PELI2: variants seen among roughly 807,000 people sequenced by gnomAD.
PELI2 encodes pellino E3 ubiquitin protein ligase family member 2, also known as E3 ubiquitin-protein ligase pellino homolog 2.
PELI2 carries 23 observed loss-of-function variants against 42.3 expected under a neutral mutation model. The observed-to-expected ratio is 0.54, with a 90% CI of 0.39 to 0.77. The LOEUF (loss-of-function observed/expected upper bound fraction) is 0.77. PELI2 is among the 30% of genes least tolerant of loss of function. The pLI, the probability that PELI2 is intolerant of heterozygous loss-of-function variation, is 0.00. For missense variants in PELI2, 463 were observed against 553.2 expected, an observed-to-expected ratio of 0.84 and a Z score of 1.64; for synonymous variants, 245 against 212.2, an observed-to-expected ratio of 1.15 and a Z score of -1.34.
intron 2 of PELI2, among the ~76,000 whole-genome samples, chr14:56,185,103 G>A (rs1417328529): frequency 6.6e-6 from 1 of 151,938 alleles, no homozygotes; most frequent in Non-Finnish European, 1.5e-5. Flanking sequence ...CTCCTGACAT[G>A]AATAACTTTA....
chr14:56,214,589 G>A (rs1886831104), intron 2 of PELI2, among the ~76,000 whole-genome samples: 1 of 152,186 alleles, frequency 6.6e-6, no homozygotes, highest in African/African-American at 2.4e-5. Context: ...CCTGTGTCTT[G>A]GAGGGGACCC....
chr14:56,215,828 T>C lies in PELI2; in HGVS notation c.207+37364T>C, dbSNP rs568877511. On this transcript the variant is annotated intron_variant, in intron 2 of 5. Transcript: ENST00000267460. Reference sequence around the variant, plus strand: ...TGTGGAATTTAGGTACCTAATGCTGTGAGCTTTAGTCAGTAGCTTAAAACA... The same window carrying C: ...TGTGGAATTTAGGTACCTAATGCTGCGAGCTTTAGTCAGTAGCTTAAAACA... Among the ~76,000 whole-genome samples the C allele has an allele frequency of 5.3e-5, 8 of 152,350 alleles. No individual in the cohort carries two copies. In the East Asian group the frequency reaches 1.2e-3, roughly 22 times the overall value.
At chr14:56,168,691 T>C (rs1318536328) in intron 1 of PELI2, among the ~76,000 whole-genome samples, 6 of 152,116 alleles carry the variant, frequency 3.9e-5, no homozygotes, top group Admixed American at 3.3e-4. Flanking sequence ...GTACGTAAGG[T>C]GCAAGACAAA....
intron 1 of PELI2, among the ~76,000 whole-genome samples, chr14:56,157,758 G>A (rs939191700): frequency 6.6e-6 from 1 of 152,162 alleles, no homozygotes; most frequent in Non-Finnish European, 1.5e-5. Context: ...AAAGTTTAAA[G>A]TAAATATATA....
In PELI2 at chr14:56,219,914, T is replaced by G. The variant is rs1466408332; in HGVS notation, c.207+41450T>G. Among the ~76,000 whole-genome samples, 2 of 152,306 alleles carry G rather than the reference T, an allele frequency of 1.3e-5. No homozygotes were observed. The highest frequency in any genetic ancestry group is 3.4e-3 in the Middle Eastern group (1 of 294). On this transcript the variant is annotated intron_variant, in intron 2 of 5. Coordinates refer to ENST00000267460, the MANE Select transcript of PELI2 (RefSeq NM_021255.3). This position sits in a 1 kb window ranked among gnomAD's most constrained non-coding sequence, Gnocchi z 4.1. Reference sequence around the variant, plus strand: ...GCAGCCTCCTTAAAACAGCTCAGGATTGAAAAAACTCTTGTGCAGAACAGT... The same window carrying G: ...GCAGCCTCCTTAAAACAGCTCAGGAGTGAAAAAACTCTTGTGCAGAACAGT...
chr14:56,205,880 T>C (rs1216656690), intron 2 of PELI2, among the ~76,000 whole-genome samples: 2 of 152,120 alleles, frequency 1.3e-5, no homozygotes, highest in East Asian at 3.9e-4. Flanking sequence ...TAAATACAGC[T>C]GAAATAAAAG....
chr14:56,131,766 G>A (rs1412845298), intron 1 of PELI2, among the ~76,000 whole-genome samples: 3 of 152,232 alleles, frequency 2.0e-5, no homozygotes, highest in South Asian at 2.1e-4. Context: ...ACCGCCTTTA[G>A]TCAAAGCTCA....
chr14:56,159,057 G>T (rs912222204), intron 1 of PELI2, among the ~76,000 whole-genome samples: 2 of 152,170 alleles, frequency 1.3e-5, no homozygotes, highest in South Asian at 4.1e-4. Flanking sequence ...GGTATTTTAT[G>T]TGTATTTAGC....
At chr14:56,237,790 C>A (rs1027143063) in intron 2 of PELI2, among the ~76,000 whole-genome samples, 4 of 151,524 alleles carry the variant, frequency 2.6e-5, no homozygotes, top group Admixed American at 2.0e-4. Flanking sequence ...CCAGATACTT[C>A]TTTTCATGTT....
intron 1 of PELI2, among the ~76,000 whole-genome samples, chr14:56,147,609 T>C (rs1032590655): frequency 6.6e-6 from 1 of 152,244 alleles, no homozygotes; most frequent in Admixed American, 6.5e-5. Flanking sequence ...TTTTATGAGC[T>C]CTGGTTTTAT....
At chr14:56,268,258 C>T (rs1594699921) in intron 2 of PELI2, among the ~76,000 whole-genome samples, 1 of 152,114 alleles carries the variant, frequency 6.6e-6, no homozygotes, top group African/African-American at 2.4e-5. Flanking sequence ...TTTATTTTTA[C>T]TTATGATTCA....
chr14:56,158,925 A>G (rs896099709), intron 1 of PELI2, among the ~76,000 whole-genome samples: 6 of 152,220 alleles, frequency 3.9e-5, no homozygotes, highest in African/African-American at 1.4e-4. Context: ...ACTCATTTTT[A>G]AAAAGAATCT....
intron 2 of PELI2, among the ~76,000 whole-genome samples, chr14:56,210,642 T>C (rs192051395): frequency 6.6e-6 from 1 of 152,250 alleles, no homozygotes; most frequent in African/African-American, 2.4e-5. Context: ...CCCTTGGGAA[T>C]AGGTGAATAG....
intron 1 of PELI2, among the ~76,000 whole-genome samples, chr14:56,176,448 G>A (rs1167083989): frequency 6.6e-6 from 1 of 152,100 alleles, no homozygotes; most frequent in African/African-American, 2.4e-5. Context: ...TGGGTTGAGC[G>A]GGAGAACCAC....
intron 1 of PELI2, among the ~76,000 whole-genome samples, chr14:56,148,012 T>C (rs1480512563): frequency 6.6e-6 from 1 of 152,200 alleles, no homozygotes; most frequent in African/African-American, 2.4e-5. Flanking sequence ...TGAATACTTT[T>C]GGGTCATAAT....
intron 2 of PELI2, among the ~76,000 whole-genome samples, chr14:56,226,502 T>A (rs112442476): frequency 1.3e-5 from 2 of 152,214 alleles, no homozygotes; most frequent in Admixed American, 6.5e-5. Context: ...CTAATCCACT[T>A]GTATGGATTT....
chr14:56,286,223 C>T (rs1471635638), intron 3 of PELI2, among the ~76,000 whole-genome samples: 1 of 152,120 alleles, frequency 6.6e-6, no homozygotes, highest in Non-Finnish European at 1.5e-5. Flanking sequence ...GGAGCAAAAT[C>T]CTTGGGAAAG....
chr14:56,181,734 G>C (rs1885587896), intron 2 of PELI2, among the ~76,000 whole-genome samples: 1 of 152,144 alleles, frequency 6.6e-6, no homozygotes, highest in African/African-American at 2.4e-5. Context: ...GTCAAATGAG[G>C]ATGGCAAGTG....
chr14:56,173,470 G>A (rs1425980451), intron 1 of PELI2, among the ~76,000 whole-genome samples: 1 of 151,794 alleles, frequency 6.6e-6, no homozygotes, highest in Non-Finnish European at 1.5e-5. Flanking sequence ...TAATCCTCCA[G>A]TTCATCTCCA....
Sources: gnomAD v4.1 joint callset for allele counts (sites outside exome capture counted in the v4.1 genomes callset) on GRCh38, gnomAD v4.1.1 for gene constraint, Gnocchi (gnomAD v3.1) non-coding constraint, MANE v1.5 for transcripts, NCBI Gene and HGNC (gene_info 2026-07-23, HGNC 2026-07-21) for gene names.